The following GMPS variants were observed in gnomAD, a reference collection of about 807,000 sequenced individuals.
GMPS encodes guanosine monophosphate synthase.
Under a neutral mutation model 77.9 loss-of-function variants are expected in GMPS, and 15 were observed. The ratio of observed to expected loss-of-function variants is 0.19; its 90% CI spans 0.13 to 0.30. The LOEUF (loss-of-function observed/expected upper bound fraction) is 0.30, where lower values mean the gene tolerates loss of function less well. Among genes scored for constraint, GMPS ranks in the 10% least tolerant of loss-of-function variants. The pLI is 1.00. For synonymous variants in GMPS, 224 were observed against 275.9 expected (o/e 0.81, Z 1.86); for missense variants, 590 against 838.8 (o/e 0.70, Z 3.66).
Position 155,870,854 on chromosome 3 carries a change from C to T in GMPS, c.-17C>T, listed in dbSNP as rs1160671099. The T allele has an allele frequency of 6.7e-7, 1 of 1,497,350 alleles. No individual in the cohort carries two copies. Among genetic ancestry groups the T allele is most frequent in the South Asian group, 1.2e-5 (1 of 80,740 alleles). The allele number at this position is 1,497,350 out of a possible 1,614,324, so 92.8% of individuals were successfully genotyped here. ...CGTACTGTCGCCGTCACCGCCGCGG[C>T]TCCGGCCCTGGCCCCGATGGCTCTG... On this transcript the variant is annotated 5_prime_UTR_variant, in exon 1 of 16. Coordinates refer to ENST00000496455, the MANE Select transcript of GMPS (RefSeq NM_003875.3).
At chr3:155,925,399 ACTT>A in intron 12 of GMPS, 33 bp downstream of exon 12, 2 of 1,488,958 alleles carry the variant, frequency 1.3e-6, no homozygotes, top group South Asian at 1.3e-5. Flanking sequence ...CCAGTGATAT[ACTT>A]TTTTTTTTTT....
rs1029004188 is a variant in GMPS, at chr3:155,939,643, T to A, written c.*1951T>A. ...TCCTGATATTTGTTTTTTGAACACC[T>A]TTTATATAATCCCTTCTAATATATA... On this transcript the variant is annotated 3_prime_UTR_variant, in exon 16 of 16. Coordinates refer to ENST00000496455, the MANE Select transcript of GMPS (RefSeq NM_003875.3). 7 of 193,350 alleles carry A rather than the reference T, an allele frequency of 3.6e-5. No homozygotes were observed. Among genetic ancestry groups the A allele is most frequent in the Non-Finnish European group, 7.6e-5 (7 of 92,666 alleles). The allele number at this position is 193,350 out of a possible 1,614,324, so 12.0% of individuals were successfully genotyped here. A position where few individuals can be genotyped will look rare whatever the true frequency, so the allele number is the denominator to read the frequency against.
intron 15 of GMPS, among the ~76,000 whole-genome samples, chr3:155,937,333 C>A (rs1380246561): frequency 6.6e-6 from 1 of 152,212 alleles, no homozygotes; most frequent in East Asian, 1.9e-4. Context: ...ACACAACTTG[C>A]AGACTAGCAC....
intron 1 of GMPS, among the ~76,000 whole-genome samples, chr3:155,879,784 G>A (rs1289111728): frequency 2.2e-5 from 3 of 138,360 alleles, no homozygotes; most frequent in African/African-American, 5.4e-5. Flanking sequence ...GGGCTGGAGT[G>A]CAGTGGTGTG....
intron 4 of GMPS, among the ~76,000 whole-genome samples, chr3:155,904,701 C>T (rs1408640901): frequency 6.6e-6 from 1 of 152,172 alleles, no homozygotes. Context: ...AGTGCTTGTT[C>T]AGCTTCATAA....
intron 13 of GMPS, 69 bp downstream of exon 13, chr3:155,931,949 T>A: frequency 1.4e-6 from 1 of 729,860 alleles, no homozygotes. Flanking sequence ...GGCTTTCAAT[T>A]AATGGAAGAC....
Position 155,904,332 on chromosome 3 carries a change from T to G in GMPS, c.422+372T>G, listed in dbSNP as rs556384196. Among the ~76,000 whole-genome samples, 3 of 151,802 alleles carry G rather than the reference T, an allele frequency of 2.0e-5. No homozygotes were observed. The South Asian group carries it at 6.3e-4, about 32-fold the overall frequency. On this transcript the variant is annotated intron_variant, in intron 4 of 15. Coordinates refer to ENST00000496455, the MANE Select transcript of GMPS (RefSeq NM_003875.3). ...CGAGACGGAGTCTCCCTCTGCCACC[T>G]GGGCTGGAGTGCAGTGGCACCATCT...
chr3:155,914,356 CTTG>C, intron 7 of GMPS, 60 bp from the exon 8 acceptor site: 45 of 1,201,298 alleles, frequency 3.7e-5, no homozygotes, highest in Non-Finnish European at 5.1e-5. Flanking sequence ...TGTATTTTGA[CTTG>C]TTATTTTTGA....
At position 155,938,477 on chromosome 3, in the gene GMPS, T is replaced by C. The variant is rs1755815711; in HGVS notation, c.*785T>C. 3 of 211,462 alleles carry C rather than the reference T, an allele frequency of 1.4e-5. No individual in the cohort carries two copies. The East Asian group carries it at 2.1e-4, about 15-fold the overall frequency. 13.1% of individuals were successfully genotyped at this position (211,462 alleles called of 1,614,324 possible). On this transcript the variant is annotated 3_prime_UTR_variant, in exon 16 of 16. Transcript: ENST00000496455. Reference sequence around the variant, plus strand: ...ACAGCCTTGCATAGAAAGTTTCTGTTATCTCCTTAGAAGAAACTGGCTCAA... The same window carrying C: ...ACAGCCTTGCATAGAAAGTTTCTGTCATCTCCTTAGAAGAAACTGGCTCAA...
At chr3:155,889,348 T>C (rs1754410674) in intron 1 of GMPS, among the ~76,000 whole-genome samples, 1 of 152,184 alleles carries the variant, frequency 6.6e-6, no homozygotes. Flanking sequence ...CAAGGGTTCA[T>C]GGGGGTTAAA....
At chr3:155,882,600 CT>C (rs1438724157) in intron 1 of GMPS, among the ~76,000 whole-genome samples, 1 of 152,194 alleles carries the variant, frequency 6.6e-6, no homozygotes, top group East Asian at 1.9e-4. Flanking sequence ...AGGACTGCTA[CT>C]TTTGTAAAAT....
intron 7 of GMPS, among the ~76,000 whole-genome samples, chr3:155,912,960 C>G (rs376973701): frequency 2.0e-5 from 3 of 152,336 alleles, no homozygotes; most frequent in South Asian, 4.1e-4. Context: ...TGCTCTCCTT[C>G]CCCATCAGAA....
chr3:155,933,629 C>G (rs1292587304), intron 13 of GMPS, among the ~76,000 whole-genome samples: 1 of 152,102 alleles, frequency 6.6e-6, no homozygotes, highest in Non-Finnish European at 1.5e-5. Flanking sequence ...ATATGGTTTT[C>G]TATTGTGTAT....
At chr3:155,898,404 G>A (rs1349426238) in intron 3 of GMPS, among the ~76,000 whole-genome samples, 2 of 152,152 alleles carry the variant, frequency 1.3e-5, no homozygotes, top group East Asian at 3.8e-4. Context: ...GTGATGCCCT[G>A]TTACTTATAT....
rs1041398797 is a variant in GMPS, at chr3:155,943,795, G to A, written c.*6103G>A. On this transcript the variant is annotated 3_prime_UTR_variant, in exon 16 of 16. Coordinates refer to ENST00000496455, the MANE Select transcript of GMPS (RefSeq NM_003875.3). ...AATTCCAAGAAGTAAGAGCCAAGAG[G>A]ACAGATATTATCAGAATATGGGACA... 3 of 157,218 alleles carry A rather than the reference G, an allele frequency of 1.9e-5. No homozygotes were observed. Among genetic ancestry groups the A allele is most frequent in the African/African-American group, 7.2e-5 (3 of 41,568 alleles). The allele number at this position is 157,218 out of a possible 1,614,324, so 9.7% of individuals were successfully genotyped here.
intron 1 of GMPS, among the ~76,000 whole-genome samples, chr3:155,891,913 C>T (rs936216509): frequency 1.3e-4 from 19 of 151,940 alleles, no homozygotes; most frequent in African/African-American, 3.9e-4. Flanking sequence ...AACGCTTGTT[C>T]GTTTTTGCAG....
Position 155,907,760 on chromosome 3 carries a change from A to G in GMPS, c.526+1497A>G, listed in dbSNP as rs565712958. ...AATATGTGTGATTAGGGTTGTTGCA[A>G]TTTTATAGGCTATTCAGGGAAGGCA... On this transcript the variant is annotated intron_variant, in intron 5 of 15. Transcript: ENST00000496455. Among the ~76,000 whole-genome samples, 11 of 152,326 alleles carry G rather than the reference A, an allele frequency of 7.2e-5. No homozygotes were observed. In the South Asian group the frequency reaches 1.2e-3, roughly 17 times the overall value.
At chr3:155,913,683 A>G (rs1878213) in intron 7 of GMPS, among the ~76,000 whole-genome samples, 134,026 of 151,944 alleles carry the variant, frequency 0.88, 59,374 homozygotes, top group African/African-American at 0.91. Flanking sequence ...ACTACGCCCC[A>G]CTAATTTTTG....
chr3:155,911,106 C>T lies in GMPS; in HGVS notation c.721-8C>T. On this transcript the variant is annotated splice_polypyrimidine_tract_variant and splice_region_variant and intron_variant, in intron 6 of 15. Coordinates refer to ENST00000496455, the MANE Select transcript of GMPS (RefSeq NM_003875.3). Reference sequence around the variant, plus strand: ...TTGCTCATTTTGATTTTTCATTTTACCCCGTAGGTTTTACTCAGTGGTGGA... The same window carrying T: ...TTGCTCATTTTGATTTTTCATTTTATCCCGTAGGTTTTACTCAGTGGTGGA... 1.3e-6 allele frequency: 2 copies of T among 1,580,366 alleles called. No individual in the cohort carries two copies. Among genetic ancestry groups the T allele is most frequent in the South Asian group, 1.2e-5 (1 of 85,796 alleles).
Sources: gnomAD v4.1 joint callset for allele counts (sites outside exome capture counted in the v4.1 genomes callset) on GRCh38, gnomAD v4.1.1 for gene constraint, MANE v1.5 for transcripts, NCBI Gene and HGNC (gene_info 2026-07-23, HGNC 2026-07-21) for gene names.